RIT2: variants seen among roughly 807,000 people sequenced by gnomAD.
RIT2 encodes GTP-binding protein Rit2.
Under a neutral mutation model 23.7 loss-of-function variants are expected in RIT2, and 24 were observed. The ratio of observed to expected loss-of-function variants is 1.01; its 90% CI spans 0.73 to 1.43. RIT2 has a LOEUF of 1.43. Among genes scored for constraint, RIT2 ranks in the 40% most tolerant of loss-of-function variants. RIT2 has a pLI of 0.00. For missense variants in RIT2, 236 were observed against 266.9 expected (o/e 0.88, Z 0.81); for synonymous variants, 107 against 91.1 (o/e 1.17, Z -0.99).
At chr18:42,850,062 G>C (rs772151804) in intron 4 of RIT2, among the ~76,000 whole-genome samples, 12 of 143,802 alleles carry the variant, frequency 8.3e-5, no homozygotes, top group Non-Finnish European at 1.7e-4. Flanking sequence ...TTTAATTTAA[G>C]AAAAAAATAC....
At chr18:42,899,708 G>A (rs1227883864) in intron 4 of RIT2, among the ~76,000 whole-genome samples, 1 of 152,032 alleles carries the variant, frequency 6.6e-6, no homozygotes, top group Admixed American at 6.6e-5. Flanking sequence ...AGATATAAAT[G>A]TGTAGCCTGT....
At chr18:43,090,944 T>A (rs1057368310) in intron 1 of RIT2, among the ~76,000 whole-genome samples, 2 of 151,854 alleles carry the variant, frequency 1.3e-5, no homozygotes, top group Admixed American at 1.3e-4. Flanking sequence ...ATCTGGGGGA[T>A]GAAATAATCT....
chr18:42,914,883 G>A (rs994177603), intron 4 of RIT2, among the ~76,000 whole-genome samples: 4 of 152,068 alleles, frequency 2.6e-5, no homozygotes, highest in Admixed American at 2.6e-4. Context: ...GCTAAGAGAA[G>A]GATGCACAGG....
intron 2 of RIT2, among the ~76,000 whole-genome samples, chr18:42,992,718 T>G (rs1910882928): frequency 6.6e-6 from 1 of 152,116 alleles, no homozygotes; most frequent in South Asian, 2.1e-4. Flanking sequence ...GCTAAAGGTA[T>G]AGTCAAGGTT....
chr18:43,097,490 T>A (rs1913581764), intron 1 of RIT2, among the ~76,000 whole-genome samples: 1 of 151,702 alleles, frequency 6.6e-6, no homozygotes. Flanking sequence ...GAAGAATAAG[T>A]GAAATTAAAA....
intron 1 of RIT2, among the ~76,000 whole-genome samples, chr18:43,046,867 T>G (rs1568066073): frequency 2.6e-5 from 4 of 152,160 alleles, no homozygotes; most frequent in Non-Finnish European, 4.4e-5. Context: ...AAACTTCAGT[T>G]TTAATTTATA....
chr18:42,921,885 G>A (rs1909064449), intron 4 of RIT2, among the ~76,000 whole-genome samples: 1 of 152,120 alleles, frequency 6.6e-6, no homozygotes, highest in African/African-American at 2.4e-5. Context: ...GTATAGGAAA[G>A]GTTCAGCTAC....
intron 1 of RIT2, among the ~76,000 whole-genome samples, chr18:43,096,369 T>C (rs1374019033): frequency 1.3e-5 from 2 of 151,834 alleles, no homozygotes; most frequent in South Asian, 2.1e-4. Context: ...CTTTGAGATT[T>C]AGAGGGGTGT....
In RIT2 at chr18:43,069,514, C is replaced by T. The variant is rs533451371; in HGVS notation, c.104-35647G>A. 3.9e-5 allele frequency among the ~76,000 whole-genome samples: 6 copies of T among 152,232 alleles called. No homozygotes were observed. In the South Asian group the frequency reaches 1.2e-3, roughly 32 times the overall value. On this transcript the variant is annotated intron_variant, in intron 1 of 4. Transcript: ENST00000326695. ...CGATGTTATCATCATCTCTTTAATT[C>T]CGTCTAGACTTGGCTTGTCTCTACC... is the stretch of plus-strand genomic sequence containing the variant.
At chr18:42,980,301 T>C (rs1910570016) in intron 2 of RIT2, among the ~76,000 whole-genome samples, 2 of 152,130 alleles carry the variant, frequency 1.3e-5, no homozygotes. Flanking sequence ...TGCTGTAATA[T>C]TGAGAATTCA....
chr18:42,783,122 C>A (rs563871153), intron 4 of RIT2, among the ~76,000 whole-genome samples: 1 of 152,026 alleles, frequency 6.6e-6, no homozygotes. Context: ...AGTGTCTTAC[C>A]AAACACGTTT....
At chr18:42,859,350 T>A (rs908134819) in intron 4 of RIT2, among the ~76,000 whole-genome samples, 1 of 152,236 alleles carries the variant, frequency 6.6e-6, no homozygotes, top group Non-Finnish European at 1.5e-5. Flanking sequence ...AAAAAAATCA[T>A]CCTTGGCGAA....
chr18:42,867,691 G>A (rs542355872), intron 4 of RIT2, among the ~76,000 whole-genome samples: 21 of 152,132 alleles, frequency 1.4e-4, no homozygotes, highest in African/African-American at 5.1e-4. Flanking sequence ...CTACTCAGGA[G>A]GCTGAGGTGG....
rs569660657 is a variant in RIT2 at position 43,047,750 on chromosome 18, G to T, written c.104-13883C>A. Among the ~76,000 whole-genome samples, 3 of 152,320 alleles carry T rather than the reference G, an allele frequency of 2.0e-5. No individual in the cohort carries two copies. In the South Asian group the frequency reaches 6.2e-4, roughly 32 times the overall value. On this transcript the variant is annotated intron_variant, in intron 1 of 4. Coordinates refer to ENST00000326695, the MANE Select transcript of RIT2 (RefSeq NM_002930.4). ...GAGATGGAACATGCCAGGGAGCCATGAAATGGAGCATGGTTAGAAAATTTG... is the reference window on the plus strand; with the variant it reads ...GAGATGGAACATGCCAGGGAGCCATTAAATGGAGCATGGTTAGAAAATTTG...
At chr18:42,758,141 C>T (rs1010523297) in intron 4 of RIT2, among the ~76,000 whole-genome samples, 2 of 151,774 alleles carry the variant, frequency 1.3e-5, no homozygotes, top group African/African-American at 2.4e-5. Context: ...AGTTCATTTA[C>T]GCTCTTATAT....
chr18:42,844,567 G>A (rs146120589), intron 4 of RIT2, among the ~76,000 whole-genome samples: 4 of 152,160 alleles, frequency 2.6e-5, no homozygotes, highest in African/African-American at 9.6e-5. Context: ...AAGTCATGCT[G>A]TCTTGCTGAA....
At chr18:43,114,673 T>G (rs1914027378) in intron 1 of RIT2, among the ~76,000 whole-genome samples, 1 of 152,188 alleles carries the variant, frequency 6.6e-6, no homozygotes, top group African/African-American at 2.4e-5. Context: ...TTTTTTTAAT[T>G]TTTTTATATT....
intron 3 of RIT2, among the ~76,000 whole-genome samples, chr18:42,943,537 C>T (rs997252039): frequency 6.6e-6 from 1 of 152,134 alleles, no homozygotes; most frequent in Non-Finnish European, 1.5e-5. Context: ...CCTGAATCAA[C>T]ACAAATTGGG....
chr18:42,752,154 C>A (rs901671653), intron 4 of RIT2, among the ~76,000 whole-genome samples: 1 of 152,018 alleles, frequency 6.6e-6, no homozygotes, highest in Non-Finnish European at 1.5e-5. Context: ...ATTGCAACAG[C>A]ATCAGAGGGA....
Sources: gnomAD v4.1 joint callset for allele counts (sites outside exome capture counted in the v4.1 genomes callset) on GRCh38, gnomAD v4.1.1 for gene constraint, MANE v1.5 for transcripts, NCBI Gene and HGNC (gene_info 2026-07-23, HGNC 2026-07-21) for gene names.